Variants in CLNK observed in about 807,000 individuals in gnomAD.
The protein encoded by CLNK is cytokine-dependent hematopoietic cell linker.
A neutral mutation model predicts 68.6 loss-of-function variants in CLNK; 74 were observed. That is an observed-to-expected ratio of 1.08 (90% CI 0.89 to 1.31). The LOEUF (loss-of-function observed/expected upper bound fraction) is 1.31, where lower values mean the gene tolerates loss of function less well. Among genes scored for constraint, CLNK ranks in the 50% most tolerant of loss-of-function variants. The pLI is 0.00. For synonymous variants in CLNK, 198 were observed against 172.2 expected (o/e 1.15, Z -1.17); for missense variants, 553 against 515.3 (o/e 1.07, Z -0.71).
intron 2 of CLNK, among the ~76,000 whole-genome samples, chr4:10,641,425 T>C (rs970948212): frequency 1.3e-5 from 2 of 151,682 alleles, no homozygotes; most frequent in Non-Finnish European, 2.9e-5. Flanking sequence ...TTATGTGGAG[T>C]GAAGGGTAAA....
intron 7 of CLNK, among the ~76,000 whole-genome samples, chr4:10,563,829 C>A (rs938317851): frequency 6.6e-6 from 1 of 152,146 alleles, no homozygotes; most frequent in African/African-American, 2.4e-5. Flanking sequence ...ACCACTTGAA[C>A]CCGGGAGGTG....
chr4:10,579,651 G>A (rs901753807), intron 4 of CLNK, among the ~76,000 whole-genome samples: 3 of 152,174 alleles, frequency 2.0e-5, no homozygotes, highest in Admixed American at 6.5e-5. Flanking sequence ...TAACAGGAAA[G>A]CCTGGGCTCT....
At position 10,683,239 on chromosome 4, in the gene CLNK, C is replaced by G. The variant is rs150481255; in HGVS notation, c.-43+1429G>C. ...GTCAAATCCTACAGTCTTTCTAAGA[C>G]AGCACCTGACTCATGGCAAAGTGAT... On this transcript the variant is annotated intron_variant, in intron 1 of 18. Coordinates refer to ENST00000226951, the MANE Select transcript of CLNK (RefSeq NM_052964.4). Among the ~76,000 whole-genome samples the G allele has an allele frequency of 4.6e-5, 7 of 152,294 alleles. No individual in the cohort carries two copies. In the East Asian group the frequency reaches 1.2e-3, roughly 25 times the overall value.
At chr4:10,699,220 A>ATACACACCACG in the CLNK span, among the ~76,000 whole-genome samples, 8 of 75,600 alleles carry the variant, frequency 1.1e-4, no homozygotes, top group Non-Finnish European at 2.0e-4. Flanking sequence ...TACACACCAC[A>ATACACACCACG]TATGTGTGTG....
intron 16 of CLNK, among the ~76,000 whole-genome samples, chr4:10,511,341 A>G (rs1315842136): frequency 3.9e-5 from 6 of 152,284 alleles, no homozygotes; most frequent in Non-Finnish European, 7.4e-5. Context: ...TATTTTCCAG[A>G]ATTTGACTCT....
intron 2 of CLNK, among the ~76,000 whole-genome samples, chr4:10,648,199 G>T (rs1479201194): frequency 6.6e-6 from 1 of 152,178 alleles, no homozygotes; most frequent in African/African-American, 2.4e-5. Flanking sequence ...CTTTTGAAGT[G>T]ATTAAGACCT....
chr4:10,608,223 A>G (rs938885967), intron 2 of CLNK, among the ~76,000 whole-genome samples: 7 of 152,100 alleles, frequency 4.6e-5, no homozygotes, highest in African/African-American at 1.7e-4. Context: ...TATCATTTCA[A>G]CTCTTCAATT....
chr4:10,578,366 G>A (rs763100582), intron 4 of CLNK, among the ~76,000 whole-genome samples: 1 of 151,980 alleles, frequency 6.6e-6, no homozygotes, highest in Non-Finnish European at 1.5e-5. Context: ...TCTTCACAAG[G>A]GTTCTTCAAG....
chr4:10,633,459 C>T (rs542566274), intron 2 of CLNK, among the ~76,000 whole-genome samples: 46 of 152,348 alleles, frequency 3.0e-4, no homozygotes, highest in East Asian at 1.5e-3. Flanking sequence ...GATAGGTTAA[C>T]GCTTCATCTA....
chr4:10,571,258 A>T (rs570927606), intron 5 of CLNK, among the ~76,000 whole-genome samples: 1 of 151,930 alleles, frequency 6.6e-6, no homozygotes, highest in South Asian at 2.1e-4. Context: ...AAGAATTAAA[A>T]TGCAGTTTTT....
At chr4:10,635,751 C>A (rs1467616718) in intron 2 of CLNK, 2 of 152,094 alleles carry the variant, frequency 1.3e-5, no homozygotes, top group East Asian at 3.9e-4. Context: ...AAGATGAAGA[C>A]ATGAAAGAGC....
chr4:10,600,563 A>T (rs1263982411), intron 2 of CLNK, among the ~76,000 whole-genome samples: 1 of 152,162 alleles, frequency 6.6e-6, no homozygotes, highest in Non-Finnish European at 1.5e-5. Context: ...ATCCCCTTGC[A>T]TTGGAGCCTT....
intron 14 of CLNK, among the ~76,000 whole-genome samples, chr4:10,523,363 G>C (rs557751156): frequency 6.6e-6 from 1 of 152,328 alleles, no homozygotes; most frequent in African/African-American, 2.4e-5. Flanking sequence ...GTCTGGAGCT[G>C]AGAGAGGTGA....
intron 2 of CLNK, among the ~76,000 whole-genome samples, chr4:10,632,139 G>C (rs780216855): frequency 6.6e-6 from 1 of 152,170 alleles, no homozygotes; most frequent in Non-Finnish European, 1.5e-5. Flanking sequence ...CATCTTCCCA[G>C]ACTTCCTTGG....
chr4:10,680,081 G>A (rs552821167), intron 1 of CLNK, among the ~76,000 whole-genome samples: 5 of 151,978 alleles, frequency 3.3e-5, no homozygotes, highest in African/African-American at 7.2e-5. Flanking sequence ...TGTTTATTGC[G>A]GCACTATTCA....
intron 1 of CLNK, among the ~76,000 whole-genome samples, chr4:10,679,397 T>C (rs1403123066): frequency 6.6e-6 from 1 of 152,168 alleles, no homozygotes; most frequent in African/African-American, 2.4e-5. Flanking sequence ...ATGTTAGACC[T>C]AAAACCATAA....
chr4:10,671,531 G>GA (rs1211242288), intron 1 of CLNK, among the ~76,000 whole-genome samples: 1 of 152,236 alleles, frequency 6.6e-6, no homozygotes, highest in Admixed American at 6.5e-5. Context: ...CTGACACCTT[G>GA]AAAGCACCAT....
rs977499416 is a variant in CLNK at position 10,489,442 on chromosome 4, C to T, written c.*1025G>A. ...CCTGAAGGCTAGTGTAGGATATAAT[C>T]TGAGCTCTGTACTATGAATGTGTTA... On this transcript the variant is annotated 3_prime_UTR_variant, in exon 19 of 19. Transcript: ENST00000226951. 6.6e-6 allele frequency: 1 copy of T among 152,096 alleles called. No homozygotes were observed. Among genetic ancestry groups the T allele is most frequent in the African/African-American group, 2.4e-5 (1 of 41,396 alleles). The allele number at this position is 152,096 out of a possible 1,614,324, so 9.4% of individuals were successfully genotyped here. A position where few individuals can be genotyped will look rare whatever the true frequency, so the allele number is the denominator to read the frequency against.
rs572950036 is a variant in CLNK at position 10,516,062 on chromosome 4, A to T, written c.773-2465T>A. On this transcript the variant is annotated intron_variant, in intron 15 of 18. Coordinates refer to ENST00000226951, the MANE Select transcript of CLNK (RefSeq NM_052964.4). ...ATGTCTTTCCAGTCAATAATAATAA[A>T]AATTTTTTTTTTTGAAATTTAGAAC... is the stretch of plus-strand genomic sequence containing the variant. 7.8e-4 allele frequency among the ~76,000 whole-genome samples: 118 copies of T among 152,214 alleles called. 1 individual carries two copies. Among genetic ancestry groups the T allele is most frequent in the African/African-American group, 2.7e-3 (113 of 41,548 alleles).
Sources: gnomAD v4.1 joint callset for allele counts (sites outside exome capture counted in the v4.1 genomes callset) on GRCh38, gnomAD v4.1.1 for gene constraint, MANE v1.5 for transcripts, NCBI Gene and HGNC (gene_info 2026-07-23, HGNC 2026-07-21) for gene names.